AXDND1: variants seen among roughly 807,000 people sequenced by gnomAD.
The protein encoded by AXDND1 is axonemal dynein light chain domain containing 1, also known as axonemal dynein light chain domain-containing protein 1.
Under a neutral mutation model 137.5 loss-of-function variants are expected in AXDND1, and 110 were observed. The ratio of observed to expected loss-of-function variants is 0.80; its 90% CI spans 0.69 to 0.94. The LOEUF (loss-of-function observed/expected upper bound fraction) is 0.94. AXDND1 is among the 40% of genes least tolerant of loss of function. The pLI is 0.00. For missense variants in AXDND1, 1,191 were observed against 1,169.8 expected, an observed-to-expected ratio of 1.02 and a Z score of -0.26; for synonymous variants, 414 against 399.7, an observed-to-expected ratio of 1.04 and a Z score of -0.43.
chr1:179,552,883 T>C (rs574426768), intron 25 of AXDND1, among the ~76,000 whole-genome samples: 1 of 152,350 alleles, frequency 6.6e-6, no homozygotes, highest in South Asian at 2.1e-4. Flanking sequence ...TTTTGTATTA[T>C]TGCTGATGCT....
intron 15 of AXDND1, among the ~76,000 whole-genome samples, chr1:179,432,966 T>G (rs1482442629): frequency 1.1e-4 from 16 of 152,176 alleles, no homozygotes. Context: ...GCTCAGGGAC[T>G]TTAAAAAATA....
intron 16 of AXDND1, among the ~76,000 whole-genome samples, chr1:179,465,401 T>C (rs1662980821): frequency 6.6e-6 from 1 of 152,252 alleles, no homozygotes; most frequent in Non-Finnish European, 1.5e-5. Context: ...AGACCCTGTT[T>C]GCCTGGGTAT....
intron 12 of AXDND1, among the ~76,000 whole-genome samples, chr1:179,423,773 A>C (rs1238036838): frequency 6.6e-6 from 1 of 152,180 alleles, no homozygotes; most frequent in Non-Finnish European, 1.5e-5. Flanking sequence ...AGTTATTTGC[A>C]TTTACATATT....
At chr1:179,491,761 C>T in intron 19 of AXDND1, 24 bp downstream of exon 19, 1 of 1,504,456 alleles carries the variant, frequency 6.6e-7, no homozygotes, top group Non-Finnish European at 8.9e-7. Flanking sequence ...TTTATTGTTG[C>T]CCTTTTGAAG....
At position 179,534,841 on chromosome 1, in the gene AXDND1, A is replaced by G. The variant is rs748652412; in HGVS notation, c.2910A>G (p.Ser970=). 5.0e-6 allele frequency: 8 copies of G among 1,611,228 alleles called. No individual in the cohort carries two copies. The highest frequency in any genetic ancestry group is 5.9e-6 in the Non-Finnish European group (7 of 1,179,448). The change falls in exon 25 of 26, where the codon TCA becomes TCG. Residue 970 remains serine (S), a synonymous_variant. Transcript: ENST00000367618. ...ATCTAGAGGAATTAGTCATGACATC[A>G]AGAAAGGAGTCTAAAGAAGAGAAAG... The part of the protein sequence containing the change: ...NKDLEELVMT[S]RKESKEEKEN...
At chr1:179,459,854 CCTTT>C (rs980513884) in intron 16 of AXDND1, among the ~76,000 whole-genome samples, 3 of 125,400 alleles carry the variant, frequency 2.4e-5, no homozygotes, top group Non-Finnish European at 4.9e-5. Flanking sequence ...TTCCTTCCTT[CCTTT>C]CTTTCCTTCC....
intron 25 of AXDND1, among the ~76,000 whole-genome samples, chr1:179,548,245 A>G (rs1672825548): frequency 6.6e-6 from 1 of 152,234 alleles, no homozygotes; most frequent in African/African-American, 2.4e-5. Context: ...AAACCAGAAT[A>G]ATAGTAATCA....
chr1:179,475,724 G>T (rs1664531994), intron 17 of AXDND1, among the ~76,000 whole-genome samples: 1 of 152,166 alleles, frequency 6.6e-6, no homozygotes, highest in Admixed American at 6.5e-5. Context: ...AATGAGTTTA[G>T]ACTTTGGGGG....
In AXDND1 at chr1:179,385,357, C is replaced by A; in HGVS notation, c.861C>A (p.Val287=). 1 of 1,613,962 alleles carries A rather than the reference C, an allele frequency of 6.2e-7. No individual in the cohort carries two copies. Among genetic ancestry groups the A allele is most frequent in the Non-Finnish European group, 8.5e-7 (1 of 1,179,956 alleles). Residue 287 remains valine (V), a splice_region_variant and synonymous_variant, in exon 9 of 26, where the codon GTC becomes GTA. Coordinates refer to ENST00000367618, the MANE Select transcript of AXDND1 (RefSeq NM_144696.6). ...ACAGAGGAGAACTTCTGTCTAAAGTCAGGTTAGTGCTGTTATTGGAATGGT... is the reference window on the plus strand; with the variant it reads ...ACAGAGGAGAACTTCTGTCTAAAGTAAGGTTAGTGCTGTTATTGGAATGGT... ...CADRGELLSK[V]RERYVQMLDQ...
intron 16 of AXDND1, chr1:179,448,667 G>T: frequency 5.4e-6 from 1 of 186,546 alleles, no homozygotes; most frequent in Non-Finnish European, 1.1e-5. Context: ...CTTCAGCTTG[G>T]GACTCGCCAG....
At chr1:179,400,920 A>G (rs1245542748) in intron 11 of AXDND1, among the ~76,000 whole-genome samples, 5 of 148,282 alleles carry the variant, frequency 3.4e-5, no homozygotes, top group East Asian at 2.0e-4. Context: ...AAAAAAAAAA[A>G]AAAAAAAGAA....
chr1:179,382,881 C>A (rs568453485), intron 7 of AXDND1, 125 bp downstream of exon 7: 8 of 605,866 alleles, frequency 1.3e-5, no homozygotes, highest in Non-Finnish European at 2.2e-5. Context: ...TAATTGCCTA[C>A]AAGTTCATCA....
intron 17 of AXDND1, 62 bp downstream of exon 17, chr1:179,468,703 C>G: frequency 7.8e-7 from 1 of 1,283,938 alleles, no homozygotes; most frequent in Non-Finnish European, 1.1e-6. Flanking sequence ...TTGCAATACA[C>G]TTCATATATA....
At chr1:179,546,791 C>G (rs778190402) in intron 25 of AXDND1, among the ~76,000 whole-genome samples, 1 of 152,090 alleles carries the variant, frequency 6.6e-6, no homozygotes, top group Non-Finnish European at 1.5e-5. Flanking sequence ...TGGACAGTCC[C>G]CCTCAACCAC....
chr1:179,463,220 A>G (rs1009666674), intron 16 of AXDND1, among the ~76,000 whole-genome samples: 1 of 152,110 alleles, frequency 6.6e-6, no homozygotes, highest in Admixed American at 6.6e-5. Context: ...TAGAGTGTCA[A>G]TTTTATATCT....
rs934595368 is a variant in AXDND1, at chr1:179,483,288, T to C, written c.2091+67T>C. The C allele has an allele frequency of 2.2e-5, 23 of 1,040,562 alleles. No homozygotes were observed. In the African/African-American group the frequency reaches 2.6e-4, roughly 12 times the overall value. The allele number at this position is 1,040,562 out of a possible 1,614,324, so 64.5% of individuals were successfully genotyped here. On this transcript the variant is annotated intron_variant, in intron 18 of 25. Coordinates refer to ENST00000367618, the MANE Select transcript of AXDND1 (RefSeq NM_144696.6). ...GCTGGCAAATTTCTTCAAGGAAAAATAATGCTCTCCCTATTTAAATGAAGC... is the reference window on the plus strand; with the variant it reads ...GCTGGCAAATTTCTTCAAGGAAAAACAATGCTCTCCCTATTTAAATGAAGC...
At chr1:179,426,991 G>A (rs138455739) in intron 12 of AXDND1, among the ~76,000 whole-genome samples, 66 of 151,980 alleles carry the variant, frequency 4.3e-4, no homozygotes, top group African/African-American at 1.3e-3. Flanking sequence ...GTAAAACCCC[G>A]TCTCTACTAA....
chr1:179,539,436 CCTT>C (rs1671898764), intron 25 of AXDND1, among the ~76,000 whole-genome samples: 1 of 152,146 alleles, frequency 6.6e-6, no homozygotes, highest in Non-Finnish European at 1.5e-5. Flanking sequence ...TTTTATTTCT[CCTT>C]CACTTATGAA....
chr1:179,402,112 C>T (rs1652170693), intron 11 of AXDND1, among the ~76,000 whole-genome samples: 1 of 144,710 alleles, frequency 6.9e-6, no homozygotes, highest in Admixed American at 7.3e-5. Context: ...GCGGAGGTTG[C>T]AGTGAGCCGA....
Sources: allele counts gnomAD v4.1 joint callset (sites outside exome capture counted in the v4.1 genomes callset), GRCh38; gene constraint gnomAD v4.1.1; transcripts MANE v1.5; gene names NCBI Gene and HGNC (gene_info 2026-07-23, HGNC 2026-07-21).